Variants in KDM7A observed in about 807,000 individuals in gnomAD.
KDM7A encodes lysine demethylase 7A.
Under a neutral mutation model 114.8 loss-of-function variants are expected in KDM7A, and 28 were observed. The ratio of observed to expected loss-of-function variants is 0.24; its 90% CI spans 0.18 to 0.33. KDM7A has a LOEUF of 0.33. Ranked by LOEUF, KDM7A falls within the 10% of genes least tolerant of loss-of-function variation. The pLI, the probability that KDM7A is intolerant of heterozygous loss-of-function variation, is 1.00. For missense variants in KDM7A, 942 were observed against 1,142.5 expected (o/e 0.82, Z 2.53); for synonymous variants, 423 against 397.8 (o/e 1.06, Z -0.75).
chr7:140,160,098 G>A (rs762069118), intron 1 of KDM7A, among the ~76,000 whole-genome samples: 18 of 151,962 alleles, frequency 1.2e-4, no homozygotes, highest in African/African-American at 2.7e-4. Flanking sequence ...AAAATGTAGC[G>A]TGAGCATCAC....
intron 19 of KDM7A, 79 bp from the exon 20 acceptor site, chr7:140,091,267 T>C (rs766923279): frequency 8.2e-5 from 79 of 965,970 alleles, no homozygotes; most frequent in Non-Finnish European, 1.2e-4. Context: ...CGGGGAGAGC[T>C]TTCTTTATGG....
chr7:140,113,924 G>T (rs1425030578), intron 9 of KDM7A, among the ~76,000 whole-genome samples: 1 of 152,082 alleles, frequency 6.6e-6, no homozygotes, highest in African/African-American at 2.4e-5. Flanking sequence ...GGGATTATAG[G>T]CATGAGCCAC....
At chr7:140,099,451 A>G (rs982816196) in intron 13 of KDM7A, among the ~76,000 whole-genome samples, 1 of 151,886 alleles carries the variant, frequency 6.6e-6, no homozygotes, top group Non-Finnish European at 1.5e-5. Flanking sequence ...CCCACCTCAG[A>G]CTCCCAAATC....
chr7:140,106,226 C>T (rs920049957), intron 11 of KDM7A, among the ~76,000 whole-genome samples: 4 of 151,930 alleles, frequency 2.6e-5, no homozygotes, highest in African/African-American at 7.3e-5. Context: ...TTAATCTTTT[C>T]GAAAAACCAG....
chr7:140,099,964 T>C lies in KDM7A; in HGVS notation c.1698A>G (p.Thr566=). 1.9e-6 allele frequency: 3 copies of C among 1,611,284 alleles called. No homozygotes were observed. The highest frequency in any genetic ancestry group is 3.3e-4 in the Middle Eastern group (2 of 6,050). The change falls in exon 13 of 20, where the codon ACA becomes ACG. Residue 566 remains threonine (T), a synonymous_variant. Coordinates refer to ENST00000397560, the MANE Select transcript of KDM7A (RefSeq NM_030647.2). The stretch of plus-strand genomic sequence containing the variant: ...TATCTTTCGCTCTCCATTCAGGTAC[T>C]GTGGAGGATGGTTGGAGATGTTTGT... ...KFNKHLQPSS[T]VPEWRAKDND...
At chr7:140,136,811 ACT>A (rs774334686) in intron 2 of KDM7A, among the ~76,000 whole-genome samples, 6 of 151,972 alleles carry the variant, frequency 3.9e-5, no homozygotes, top group Non-Finnish European at 5.9e-5. Flanking sequence ...ACATGGTGAA[ACT>A]CTGTCTCTAC....
chr7:140,125,879 G>A (rs1384744491), intron 6 of KDM7A, among the ~76,000 whole-genome samples: 1 of 151,772 alleles, frequency 6.6e-6, no homozygotes, highest in Non-Finnish European at 1.5e-5. Context: ...GTGACTACAA[G>A]CATGAGCCAC....
At chr7:140,095,609 G>A in intron 17 of KDM7A, 1 of 273,000 alleles carries the variant, frequency 3.7e-6, no homozygotes, top group South Asian at 3.0e-5. Context: ...CAGGCATGGT[G>A]GCTCACACCT....
chr7:140,127,756 GA>G (rs1818729685), intron 4 of KDM7A, among the ~76,000 whole-genome samples, 173 bp from the exon 5 acceptor site: 1 of 151,836 alleles, frequency 6.6e-6, no homozygotes, highest in African/African-American at 2.4e-5. Context: ...GACCTTTCAG[GA>G]AAAAAGGGAC....
At chr7:140,101,885 T>C in intron 12 of KDM7A, 66 bp downstream of exon 12, 1 of 1,021,068 alleles carries the variant, frequency 9.8e-7, no homozygotes, top group South Asian at 1.3e-5. Flanking sequence ...TATTCTCTTA[T>C]TATCCCTATA....
At chr7:140,148,777 C>T (rs1794368981) in intron 1 of KDM7A, among the ~76,000 whole-genome samples, 1 of 152,106 alleles carries the variant, frequency 6.6e-6, no homozygotes, top group South Asian at 2.1e-4. Flanking sequence ...ATTTGTGGCT[C>T]AGAAAAACCC....
intron 1 of KDM7A, among the ~76,000 whole-genome samples, chr7:140,174,418 G>A (rs1179966632): frequency 3.3e-5 from 5 of 152,060 alleles, no homozygotes; most frequent in African/African-American, 4.8e-5. Context: ...CCTCCTTCCC[G>A]TAAGCCCTCT....
At chr7:140,174,366 G>T (rs1043883447) in intron 1 of KDM7A, among the ~76,000 whole-genome samples, 1 of 152,090 alleles carries the variant, frequency 6.6e-6, no homozygotes, top group Non-Finnish European at 1.5e-5. Flanking sequence ...ACAAATTTAT[G>T]TGTCAAAGCA....
intron 19 of KDM7A, 47 bp from the exon 20 acceptor site, chr7:140,091,235 T>A: frequency 7.8e-7 from 1 of 1,282,810 alleles, no homozygotes; most frequent in Non-Finnish European, 1.1e-6. Context: ...AAAGTACACT[T>A]AAGAGAGCAC....
At chr7:140,162,976 A>G (rs1465241787) in intron 1 of KDM7A, among the ~76,000 whole-genome samples, 1 of 151,808 alleles carries the variant, frequency 6.6e-6, no homozygotes, top group African/African-American at 2.4e-5. Flanking sequence ...AATAAAAAGT[A>G]AGATTTTTGC....
intron 2 of KDM7A, among the ~76,000 whole-genome samples, chr7:140,135,489 CTG>C (rs1818855867): frequency 2.0e-5 from 3 of 152,246 alleles, no homozygotes; most frequent in Non-Finnish European, 2.9e-5. Flanking sequence ...GTGTGAGCCA[CTG>C]CGCCCAGCCC....
At chr7:140,153,411 A>G (rs42324) in intron 1 of KDM7A, among the ~76,000 whole-genome samples, 31 of 151,744 alleles carry the variant, frequency 2.0e-4, no homozygotes, top group Non-Finnish European at 4.1e-4. Context: ...GCGTGAACCC[A>G]GGAGACGGAG....
chr7:140,109,675 T>A (rs1585143886), intron 11 of KDM7A, among the ~76,000 whole-genome samples: 2 of 152,336 alleles, frequency 1.3e-5, no homozygotes. Flanking sequence ...TTTATACTGT[T>A]TTCAGCTTCA....
chr7:140,117,431 GA>G (rs1215426221), intron 9 of KDM7A, among the ~76,000 whole-genome samples: 35 of 143,718 alleles, frequency 2.4e-4, no homozygotes, highest in Middle Eastern at 3.5e-3. Flanking sequence ...GACATTAGTA[GA>G]AAAAAAAAAA....
Sources: gnomAD v4.1 joint callset for allele counts (sites outside exome capture counted in the v4.1 genomes callset) on GRCh38, gnomAD v4.1.1 for gene constraint, MANE v1.5 for transcripts, NCBI Gene and HGNC (gene_info 2026-07-23, HGNC 2026-07-21) for gene names.